CHODL: variants seen among roughly 807,000 people sequenced by gnomAD.
The protein encoded by CHODL is transmembrane protein MT75.
A neutral mutation model predicts 34.5 loss-of-function variants in CHODL; 29 were observed. The ratio of observed to expected loss-of-function variants is 0.84; its 90% confidence interval spans 0.63 to 1.15. The LOEUF is 1.15. Ranked by LOEUF, CHODL falls within the 50% of genes most tolerant of loss-of-function variation. The probability of loss-of-function intolerance (pLI) is 0.00; values close to 1 mark genes in which losing one functional copy is unlikely to be tolerated. For missense variants in CHODL, 332 were observed against 332.5 expected, an observed-to-expected ratio of 1.00 and a Z score of 0.01; for synonymous variants, 125 against 116.1, an observed-to-expected ratio of 1.08 and a Z score of -0.49.
At chr21:18,253,986 GT>G (rs1406004031) in intron 1 of CHODL, among the ~76,000 whole-genome samples, 1 of 152,078 alleles carries the variant, frequency 6.6e-6, no homozygotes, top group Non-Finnish European at 1.5e-5. Flanking sequence ...CTCAAACACT[GT>G]TGAGAAGTTA....
intron 1 of CHODL, among the ~76,000 whole-genome samples, chr21:17,997,478 T>C (rs1449326712): frequency 2.0e-5 from 3 of 152,226 alleles, no homozygotes; most frequent in Non-Finnish European, 4.4e-5. Flanking sequence ...ATGACTCTTT[T>C]GTTGTATTAT....
intron 1 of CHODL, among the ~76,000 whole-genome samples, chr21:17,922,053 C>T (rs2063187184): frequency 6.6e-6 from 1 of 152,112 alleles, no homozygotes; most frequent in Non-Finnish European, 1.5e-5. Flanking sequence ...TCATGTTCAA[C>T]TTAACCAAAA....
chr21:18,223,560 T>C (rs2073903886), intron 2 of CHODL, among the ~76,000 whole-genome samples: 2 of 152,160 alleles, frequency 1.3e-5, no homozygotes, highest in South Asian at 4.1e-4. Flanking sequence ...GCAGATACGA[T>C]TTACTAAATA....
Position 17,956,129 on chromosome 21 carries a change from A to G in CHODL, c.-145+38729A>G, listed in dbSNP as rs1304943178. On this transcript the variant is annotated intron_variant, in intron 1 of 6. Transcript: ENST00000400127. ...AATCTCATGTTGAGATGTAATCCCC[A>G]GTGTTGGAGATGGGGCCCAGTGGGA... is the stretch of plus-strand genomic sequence containing the variant. Among the ~76,000 whole-genome samples the G allele has an allele frequency of 2.3e-4, 32 of 136,598 alleles. 4 individuals carry two copies. Among genetic ancestry groups the G allele is most frequent in the Non-Finnish European group, 6.7e-5 (4 of 60,106 alleles). The allele number at this position is 136,598 out of a possible 152,430, so 89.6% of individuals were successfully genotyped here.
At chr21:17,982,141 G>A (rs1041474199) in intron 1 of CHODL, among the ~76,000 whole-genome samples, 37 of 152,226 alleles carry the variant, frequency 2.4e-4, no homozygotes, top group African/African-American at 8.2e-4. Flanking sequence ...TTTCTAACAC[G>A]GATTTTAAAA....
intron 2 of CHODL, among the ~76,000 whole-genome samples, chr21:18,093,974 G>A (rs777618769): frequency 2.0e-5 from 3 of 152,006 alleles, no homozygotes; most frequent in Non-Finnish European, 4.4e-5. Flanking sequence ...ATGCTTACAG[G>A]AAACACACTT....
intron 1 of CHODL, among the ~76,000 whole-genome samples, chr21:18,002,278 T>C (rs1294547634): frequency 1.3e-5 from 2 of 152,164 alleles, no homozygotes; most frequent in African/African-American, 2.4e-5. Flanking sequence ...TCTTTAAAAA[T>C]TATATTTGCA....
chr21:18,256,809 C>T lies in CHODL; in HGVS notation c.380C>T (p.Ser127Phe). 8.7e-6 allele frequency: 14 copies of T among 1,612,888 alleles called. No individual in the cohort carries two copies. The highest frequency in any genetic ancestry group is 1.7e-5 in the Admixed American group (1 of 59,960). Reference sequence around the variant, plus strand: ...TACCAGTGGTCTGATGGAAGCAATTCCCAGTACCGGTGAGTATGGATCTTG... The same window carrying T: ...TACCAGTGGTCTGATGGAAGCAATTTCCAGTACCGGTGAGTATGGATCTTG... The part of the protein sequence containing the change: ...DLYQWSDGSN[S>F]QYRNWYTDEP... The change falls in exon 2 of 6, where the codon TCC becomes TTC. Residue 127 changes from serine to phenylalanine, a missense_variant. Physicochemically the swap from Ser to Phe is radical, Grantham distance 155. Transcript: ENST00000299295.
chr21:18,007,923 G>A (rs952732126), intron 1 of CHODL, among the ~76,000 whole-genome samples: 4 of 152,128 alleles, frequency 2.6e-5, no homozygotes, highest in African/African-American at 9.7e-5. Context: ...AACTGAGTGA[G>A]AAAACAGAGG....
intron 1 of CHODL, among the ~76,000 whole-genome samples, chr21:18,246,433 A>G (rs570586169): frequency 5.9e-5 from 9 of 152,286 alleles, no homozygotes; most frequent in African/African-American, 2.2e-4. Flanking sequence ...TATTAAGCTT[A>G]ATTGTCACTG....
rs1203424420 is a variant in CHODL at position 17,988,370 on chromosome 21, GT to G, written c.-144-39488del. 5.2e-3 allele frequency among the ~76,000 whole-genome samples: 686 copies of G among 132,564 alleles called. 11 individuals are homozygous for G. Among genetic ancestry groups the G allele is most frequent in the African/African-American group, 0.016 (577 of 35,336 alleles). The allele number at this position is 132,564 out of a possible 152,430, so 87.0% of individuals were successfully genotyped here. ...TATTGGTTATTGTTTCCTGTGGGAAGTTTTTTTTTTTTTTCCCTTTTTTCCT... is the reference window on the plus strand; with the variant it reads ...TATTGGTTATTGTTTCCTGTGGGAAGTTTTTTTTTTTTTCCCTTTTTTCCT... On this transcript the variant is annotated intron_variant, in intron 1 of 6. Transcript: ENST00000400127.
intron 1 of CHODL, among the ~76,000 whole-genome samples, chr21:17,981,801 G>C (rs1442127041): frequency 6.6e-6 from 1 of 152,104 alleles, no homozygotes; most frequent in Non-Finnish European, 1.5e-5. Context: ...AAGAATATAG[G>C]GAAAGGGTGA....
intron 2 of CHODL, among the ~76,000 whole-genome samples, chr21:18,113,845 G>A (rs191463014): frequency 3.0e-4 from 45 of 152,330 alleles, no homozygotes; most frequent in Non-Finnish European, 4.4e-5. Flanking sequence ...GTACTCCTGT[G>A]TTTGTTGCAG....
chr21:18,172,855 C>G (rs145209225), intron 2 of CHODL, among the ~76,000 whole-genome samples: 1 of 152,098 alleles, frequency 6.6e-6, no homozygotes, highest in Non-Finnish European at 1.5e-5. Flanking sequence ...GTTCTTTGCT[C>G]AGAGTTTCTG....
chr21:18,220,261 T>C (rs1217903575), intron 2 of CHODL, among the ~76,000 whole-genome samples: 1 of 152,180 alleles, frequency 6.6e-6, no homozygotes, highest in Non-Finnish European at 1.5e-5. Context: ...TATAGTTCAG[T>C]CACTTTTAAG....
chr21:17,999,605 G>A (rs1015858244), intron 1 of CHODL, among the ~76,000 whole-genome samples: 1 of 152,230 alleles, frequency 6.6e-6, no homozygotes, highest in African/African-American at 2.4e-5. Flanking sequence ...CGTGATGGCA[G>A]CAAGAGAAAA....
chr21:17,943,817 C>G (rs548078135), intron 1 of CHODL, among the ~76,000 whole-genome samples: 82 of 152,284 alleles, frequency 5.4e-4, no homozygotes, highest in African/African-American at 1.9e-3. Context: ...GCAAGTCACT[C>G]AGCTTCCTTA....
At chr21:17,960,821 C>T (rs2063526806) in intron 1 of CHODL, among the ~76,000 whole-genome samples, 2 of 152,116 alleles carry the variant, frequency 1.3e-5, no homozygotes, top group Admixed American at 6.6e-5. Context: ...TATTCAGTCC[C>T]CCAAACCTGA....
chr21:17,940,208 C>T (rs73321586), intron 1 of CHODL, among the ~76,000 whole-genome samples: 3,937 of 152,288 alleles, frequency 0.026, 147 homozygotes, highest in African/African-American at 0.081. Context: ...AACCCAACTG[C>T]AGCTCATATC....
Sources: allele counts gnomAD v4.1 joint callset (sites outside exome capture counted in the v4.1 genomes callset), GRCh38; gene constraint gnomAD v4.1.1; transcripts MANE v1.5; gene names NCBI Gene and HGNC (gene_info 2026-07-23, HGNC 2026-07-21).